Variants in GLRA2 observed in about 807,000 individuals in gnomAD.
The protein encoded by GLRA2 is glycine receptor alpha 2.
A neutral mutation model predicts 31.6 loss-of-function variants in GLRA2; 11 were observed. The ratio of observed to expected loss-of-function variants is 0.35; its 90% CI spans 0.22 to 0.58. GLRA2 has a LOEUF of 0.58. Among genes scored for constraint, GLRA2 ranks in the 20% least tolerant of loss-of-function variants. The probability of loss-of-function intolerance (pLI) is 0.84; values close to 1 mark genes in which losing one functional copy is unlikely to be tolerated. For synonymous variants in GLRA2, 132 were observed against 134.0 expected, an observed-to-expected ratio of 0.99 and a Z score of 0.10; for missense variants, 212 against 351.8, an observed-to-expected ratio of 0.60 and a Z score of 3.18.
intron 8 of GLRA2, among the ~76,000 whole-genome samples, chrX:14,717,054 C>T (rs906325889): frequency 9.0e-6 from 1 of 111,341 alleles, no homozygotes; most frequent in Non-Finnish European, 1.9e-5. Context: ...ACAAATCTGA[C>T]GTGTCCAAAG....
chrX:14,564,296 A>G (rs1358030193), intron 2 of GLRA2, among the ~76,000 whole-genome samples: 2 of 110,359 alleles, frequency 1.8e-5, no homozygotes, highest in East Asian at 2.8e-4. Context: ...CCAGAAGACA[A>G]TGGGATGATA....
chrX:14,673,823 T>G (rs1225328473), intron 7 of GLRA2, among the ~76,000 whole-genome samples: 2 of 112,607 alleles, frequency 1.8e-5, no homozygotes, highest in African/African-American at 6.5e-5. Context: ...TGCGGTTATC[T>G]GCCATCTATG....
rs868126216 is a variant in GLRA2, at chrX:14,691,320, T to C, written c.1080+461T>C. Among the ~76,000 whole-genome samples the C allele has an allele frequency of 8.8e-3, 539 of 60,961 alleles. 5 individuals carry two copies. The highest frequency in any genetic ancestry group is 0.036 in the African/African-American group (489 of 13,409). 52.9% of individuals were successfully genotyped at this position (60,961 alleles called of 115,157 possible). A position where few individuals can be genotyped will look rare whatever the true frequency, so the allele number is the denominator to read the frequency against. On this transcript the variant is annotated intron_variant, in intron 8 of 8. Transcript: ENST00000218075. The stretch of plus-strand genomic sequence containing the variant: ...GTGTGTGTGTGTGTGTGTGTGTGTG[T>C]GTGTGCGCGCGTGCGTGCGTGTACA...
chrX:14,470,960 G>T, the GLRA2 span, among the ~76,000 whole-genome samples: 2 of 110,756 alleles, frequency 1.8e-5, no homozygotes. Context: ...CTGGTATTTT[G>T]ATTGTAAATA....
chrX:14,484,395 T>C, the GLRA2 span, among the ~76,000 whole-genome samples: 9 of 112,275 alleles, frequency 8.0e-5, no homozygotes, highest in Admixed American at 5.7e-4. Flanking sequence ...GTTAATGCTC[T>C]GGACTTTCTT....
the GLRA2 span, among the ~76,000 whole-genome samples, chrX:14,493,606 C>CAT: frequency 6.0e-5 from 6 of 99,344 alleles, no homozygotes; most frequent in African/African-American, 2.4e-4. Flanking sequence ...CATATATACA[C>CAT]ATATACACAT....
chrX:14,638,773 T>C (rs1383778254), intron 7 of GLRA2, among the ~76,000 whole-genome samples: 1 of 111,756 alleles, frequency 8.9e-6, no homozygotes, highest in Non-Finnish European at 1.9e-5. Flanking sequence ...TTCCTAGAAA[T>C]GTCTAAATCT....
At chrX:14,639,435 C>G (rs985438217) in intron 7 of GLRA2, among the ~76,000 whole-genome samples, 5 of 112,287 alleles carry the variant, frequency 4.5e-5, no homozygotes, top group African/African-American at 1.6e-4. Context: ...CTGTATCAGA[C>G]AAGGAAATCC....
chrX:14,608,037 AG>A (rs1182846694), intron 6 of GLRA2, among the ~76,000 whole-genome samples: 1 of 111,792 alleles, frequency 8.9e-6, no homozygotes, highest in African/African-American at 3.3e-5. Flanking sequence ...TAACTGGTCT[AG>A]GTCCCTTGCT....
chrX:14,647,697 T>A (rs985863737), intron 7 of GLRA2, among the ~76,000 whole-genome samples: 7 of 112,459 alleles, frequency 6.2e-5, no homozygotes, highest in Non-Finnish European at 1.3e-4. Context: ...GCATTCACAT[T>A]TATGTGGTCA....
At chrX:14,667,968 T>G (rs1306087452) in intron 7 of GLRA2, among the ~76,000 whole-genome samples, 2 of 112,210 alleles carry the variant, frequency 1.8e-5, no homozygotes, top group Non-Finnish European at 3.8e-5. Context: ...CAGGCACAAC[T>G]CAGCTGGAAC....
Position 14,532,365 on chromosome X carries a change from T to C in GLRA2, c.195T>C (p.Asn65=), listed in dbSNP as rs754593618. Residue 65 remains asparagine (N), a synonymous_variant, in exon 2 of 9, where the codon AAT becomes AAC. Coordinates refer to ENST00000218075, the MANE Select transcript of GLRA2 (RefSeq NM_002063.4). ...TSGYDARIRP[N]FKGPPVNVTC... Reference sequence around the variant, plus strand: ...GATATGATGCAAGAATCAGGCCAAATTTTAAAGGTAGGTTCCACTTAAACT... The same window carrying C: ...GATATGATGCAAGAATCAGGCCAAACTTTAAAGGTAGGTTCCACTTAAACT... 12 of 1,180,743 alleles carry C rather than the reference T, an allele frequency of 1.0e-5. No homozygotes were observed. The South Asian group carries it at 2.1e-4, about 21-fold the overall frequency.
the GLRA2 span, among the ~76,000 whole-genome samples, chrX:14,461,843 T>C: frequency 8.9e-6 from 1 of 112,345 alleles, no homozygotes; most frequent in Non-Finnish European, 1.9e-5. Context: ...ATTTAGCCCA[T>C]TTACATTTAA....
At chrX:14,584,010 G>C (rs1362576427) in intron 4 of GLRA2, among the ~76,000 whole-genome samples, 1 of 110,848 alleles carries the variant, frequency 9.0e-6, no homozygotes, top group Non-Finnish European at 1.9e-5. Context: ...GAATATATAT[G>C]GACACAAAGA....
upstream of GLRA2, among the ~76,000 whole-genome samples, chrX:14,528,267 G>A (rs1238469019): frequency 8.9e-6 from 1 of 112,155 alleles, no homozygotes. Context: ...AAGGTAAAAA[G>A]AACTTGCCAT....
the GLRA2 span, among the ~76,000 whole-genome samples, chrX:14,502,495 C>G: frequency 3.6e-5 from 4 of 111,495 alleles, no homozygotes; most frequent in African/African-American, 1.3e-4. Flanking sequence ...TTACTGTATA[C>G]AGTCAATTCT....
rs1279380238 is a variant in GLRA2, at chrX:14,651,219, A to C, written c.931-39491A>C. Among the ~76,000 whole-genome samples, 5 of 111,816 alleles carry C rather than the reference A, an allele frequency of 4.5e-5. No homozygotes were observed. In the East Asian group the frequency reaches 1.4e-3, roughly 31 times the overall value. On this transcript the variant is annotated intron_variant, in intron 7 of 8. Transcript: ENST00000218075. Reference sequence around the variant, plus strand: ...GCAAAAGAACTTGTAGGGCTTCATGAGGGAAGAATTTTTGAATACATAAAA... The same window carrying C: ...GCAAAAGAACTTGTAGGGCTTCATGCGGGAAGAATTTTTGAATACATAAAA...
chrX:14,475,835 A>G, the GLRA2 span, among the ~76,000 whole-genome samples: 1 of 111,848 alleles, frequency 8.9e-6, no homozygotes, highest in Non-Finnish European at 1.9e-5. Context: ...TCATAATCCA[A>G]TGTGTCATAA....
chrX:14,579,282 A>T (rs186084726), intron 3 of GLRA2, among the ~76,000 whole-genome samples: 1 of 110,449 alleles, frequency 9.1e-6, no homozygotes, highest in African/African-American at 3.3e-5. Context: ...AGGTAGCTAC[A>T]TTTCTTATTT....
Sources: allele counts gnomAD v4.1 joint callset (sites outside exome capture counted in the v4.1 genomes callset), GRCh38; gene constraint gnomAD v4.1.1; transcripts MANE v1.5; gene names NCBI Gene and HGNC (gene_info 2026-07-23, HGNC 2026-07-21).